ZNF827: variants seen among roughly 807,000 people sequenced by gnomAD.
ZNF827 encodes the protein zinc finger protein 827.
ZNF827 carries 13 observed loss-of-function variants against 102.4 expected under a neutral mutation model. The observed-to-expected ratio is 0.13, with a 90% CI of 0.08 to 0.20. The LOEUF is 0.20. Among genes scored for constraint, ZNF827 ranks in the 10% least tolerant of loss-of-function variants. ZNF827 has a pLI of 1.00. For missense variants in ZNF827, 1,103 were observed against 1,344.4 expected (o/e 0.82, Z 2.81); for synonymous variants, 523 against 536.2 (o/e 0.98, Z 0.34).
chr4:145,795,895 G>A (rs1740332996), intron 8 of ZNF827, among the ~76,000 whole-genome samples: 1 of 152,224 alleles, frequency 6.6e-6, no homozygotes, highest in African/African-American at 2.4e-5. Flanking sequence ...GAGCCAGTCA[G>A]TGGATAAATC....
At chr4:145,885,467 G>A (rs1340162003) in intron 4 of ZNF827, among the ~76,000 whole-genome samples, 2 of 152,044 alleles carry the variant, frequency 1.3e-5, no homozygotes, top group Admixed American at 6.5e-5. Flanking sequence ...CCAAGCCAAA[G>A]CAATACTACT....
rs1032135705 is a variant in ZNF827 at position 145,758,520 on chromosome 4, G to C, written c.*3096C>G. The C allele has an allele frequency of 6.6e-6, 1 of 152,160 alleles. No individual in the cohort carries two copies. The highest frequency in any genetic ancestry group is 1.9e-4 in the East Asian group (1 of 5,198). The allele number at this position is 152,160 out of a possible 1,614,324, so 9.4% of individuals were successfully genotyped here. On this transcript the variant is annotated 3_prime_UTR_variant, in exon 15 of 15. Coordinates refer to ENST00000508784, the MANE Select transcript of ZNF827 (RefSeq NM_001306215.2). ...CTGTCATCACTGAACTTGTAGTTTT[G>C]AAAACACATTATTAGCCAAGTGGCA...
At chr4:145,896,158 G>T (rs73852216) in intron 2 of ZNF827, among the ~76,000 whole-genome samples, 1 of 152,178 alleles carries the variant, frequency 6.6e-6, no homozygotes, top group East Asian at 1.9e-4. Context: ...AGCCGTTGTT[G>T]TAGTAAGAGT....
At chr4:145,885,081 A>G (rs1032272615) in intron 4 of ZNF827, among the ~76,000 whole-genome samples, 2 of 152,114 alleles carry the variant, frequency 1.3e-5, no homozygotes, top group African/African-American at 4.8e-5. Flanking sequence ...CTGTGCACCT[A>G]AAATGGTTAA....
intron 5 of ZNF827, among the ~76,000 whole-genome samples, chr4:145,867,454 T>C (rs1230390642): frequency 6.6e-6 from 1 of 152,240 alleles, no homozygotes; most frequent in Non-Finnish European, 1.5e-5. Flanking sequence ...GGAGTTAACA[T>C]AAATTAATTT....
chr4:145,909,480 C>A (rs1476447442), intron 1 of ZNF827, among the ~76,000 whole-genome samples: 3 of 152,202 alleles, frequency 2.0e-5, no homozygotes, highest in African/African-American at 4.8e-5. Context: ...TGGCTGCAAC[C>A]GGTTCTGGGT....
At chr4:145,781,195 CAAAAAAAAA>C (rs10605153) in intron 8 of ZNF827, among the ~76,000 whole-genome samples, 4 of 56,546 alleles carry the variant, frequency 7.1e-5, no homozygotes, top group Non-Finnish European at 8.4e-5. Flanking sequence ...GACACCATCT[CAAAAAAAAA>C]AAAAAAAAAA....
At chr4:145,776,513 C>T (rs1016191851) in intron 9 of ZNF827, among the ~76,000 whole-genome samples, 3 of 150,122 alleles carry the variant, frequency 2.0e-5, no homozygotes, top group African/African-American at 4.9e-5. Flanking sequence ...AGATAACCTG[C>T]TTTTTTTTTC....
Position 145,849,373 on chromosome 4 carries a change from T to A in ZNF827, c.2170A>T (p.Ser724Cys), listed in dbSNP as rs758669241. ...GRVPPERNLF[S>C]QDISVKMASE... ...GCCATTTTCACAGAGATATCCTGAC[T>A]GAAGAGGTTTCTCTCTGGGGGTACT... The change falls in exon 6 of 15, where the codon AGT (serine) becomes TGT (cysteine). Residue 724 changes from serine (S) to cysteine (C), a missense_variant. Transcript: ENST00000508784. 2.5e-6 allele frequency: 4 copies of A among 1,614,054 alleles called. No individual in the cohort carries two copies. Among genetic ancestry groups the A allele is most frequent in the Non-Finnish European group, 3.4e-6 (4 of 1,180,024 alleles).
At chr4:145,846,115 T>A in intron 6 of ZNF827, 102 bp from the exon 7 acceptor site, 1 of 1,109,474 alleles carries the variant, frequency 9.0e-7, no homozygotes, top group Non-Finnish European at 1.3e-6. Context: ...CTCTTTTTCC[T>A]TTGTGGTTTT....
Position 145,812,297 on chromosome 4 carries a change from A to G in ZNF827, c.2383+11125T>C, listed in dbSNP as rs540036191. Among the ~76,000 whole-genome samples, 60 of 152,216 alleles carry G rather than the reference A, an allele frequency of 3.9e-4. 1 individual carries two copies. The South Asian group carries it at 0.012, about 31-fold the overall frequency. On this transcript the variant is annotated intron_variant, in intron 8 of 14. Transcript: ENST00000508784. ...TGACTGGGAGATTTATTATCACATG[A>G]GAAAATCAGTCTTCAGTTTTCATGT...
intron 7 of ZNF827, among the ~76,000 whole-genome samples, chr4:145,833,960 A>C: frequency 2.1e-5 from 3 of 143,100 alleles, no homozygotes; most frequent in African/African-American, 5.3e-5. Context: ...CCATTTCTCT[A>C]CTCTCTCTTT....
chr4:145,889,554 C>CTTTTT (rs36000739), intron 3 of ZNF827, among the ~76,000 whole-genome samples: 2 of 136,772 alleles, frequency 1.5e-5, no homozygotes, highest in Admixed American at 7.3e-5. Flanking sequence ...ACTGACCCCA[C>CTTTTT]TTTTTTTTTT....
chr4:145,907,812 C>T (rs1751988506), intron 1 of ZNF827, among the ~76,000 whole-genome samples: 1 of 152,200 alleles, frequency 6.6e-6, no homozygotes, highest in African/African-American at 2.4e-5. Flanking sequence ...ACACAACAGT[C>T]TGTTTTTGTG....
chr4:145,809,496 A>C (rs960773665), intron 8 of ZNF827, among the ~76,000 whole-genome samples: 4 of 152,198 alleles, frequency 2.6e-5, no homozygotes, highest in African/African-American at 4.8e-5. Flanking sequence ...AAAACTAATA[A>C]AAGTCCACAA....
At chr4:145,878,290 A>G (rs1749330395) in intron 4 of ZNF827, among the ~76,000 whole-genome samples, 1 of 152,154 alleles carries the variant, frequency 6.6e-6, no homozygotes, top group Admixed American at 6.5e-5. Context: ...CATGGTTCCA[A>G]TTATCAGACC....
intron 1 of ZNF827, among the ~76,000 whole-genome samples, chr4:145,920,870 A>G (rs927035676): frequency 1.3e-5 from 2 of 152,218 alleles, no homozygotes; most frequent in African/African-American, 4.8e-5. Flanking sequence ...AGCACTATTT[A>G]TTGACCACCT....
rs746388821 is a variant in ZNF827, at chr4:145,902,228, T to TGTG, written c.1028_1030dup (p.Pro343dup). The TGTG allele has an allele frequency of 1.2e-4, 189 of 1,601,086 alleles. No individual in the cohort carries two copies. The highest frequency in any genetic ancestry group is 1.5e-4 in the Non-Finnish European group (177 of 1,173,048). ...TGGGAGTAATAATAATTCCAGGGAT[T>TGTG]GTGGTGGTGGTGGTGGAGGTGGTGG... On this transcript the variant is annotated inframe_insertion, in exon 2 of 15. Coordinates refer to ENST00000508784, the MANE Select transcript of ZNF827 (RefSeq NM_001306215.2). The surrounding 1 kb of genome is among the most constrained non-coding windows in gnomAD (Gnocchi z 4.3).
intron 7 of ZNF827, among the ~76,000 whole-genome samples, chr4:145,837,983 A>G (rs866296065): frequency 6.9e-6 from 1 of 144,340 alleles, no homozygotes; most frequent in South Asian, 2.2e-4. Context: ...ACCACCCCCC[A>G]AAAATTTTCG....
Sources: allele counts gnomAD v4.1 joint callset (sites outside exome capture counted in the v4.1 genomes callset), GRCh38; gene constraint gnomAD v4.1.1; non-coding constraint Gnocchi (gnomAD v3.1); transcripts MANE v1.5; gene names NCBI Gene and HGNC (gene_info 2026-07-23, HGNC 2026-07-21).